C8orf34: variants seen among roughly 807,000 people sequenced by gnomAD.
C8orf34 encodes uncharacterized protein C8orf34.
C8orf34 carries 65 observed loss-of-function variants against 68.3 expected under a neutral mutation model. The observed-to-expected ratio is 0.95, with a 90% confidence interval of 0.78 to 1.17. The LOEUF (loss-of-function observed/expected upper bound fraction) is 1.17, where lower values mean the gene tolerates loss of function less well. C8orf34 is among the 50% of genes most tolerant of loss of function. C8orf34 has a pLI of 0.00. For synonymous variants in C8orf34, 244 were observed against 241.2 expected (o/e 1.01, Z -0.11); for missense variants, 664 against 655.4 (o/e 1.01, Z -0.14).
chr8:68,636,359 A>T (rs1384282914), intron 7 of C8orf34, among the ~76,000 whole-genome samples: 1 of 151,938 alleles, frequency 6.6e-6, no homozygotes, highest in African/African-American at 2.4e-5. Context: ...GCAGATCACA[A>T]GGTCAGGAGA....
intron 9 of C8orf34, among the ~76,000 whole-genome samples, chr8:68,709,962 A>G (rs1295782528): frequency 6.6e-6 from 1 of 152,194 alleles, no homozygotes; most frequent in Non-Finnish European, 1.5e-5. Flanking sequence ...ATAGGAAAGT[A>G]TTTTTCTTAC....
intron 8 of C8orf34, among the ~76,000 whole-genome samples, chr8:68,642,543 T>G (rs1218024256): frequency 1.3e-5 from 2 of 152,196 alleles, no homozygotes; most frequent in African/African-American, 4.8e-5. Flanking sequence ...ACCAAGGACT[T>G]TACTACTTAC....
At chr8:68,699,105 A>G (rs970499828) in intron 8 of C8orf34, among the ~76,000 whole-genome samples, 1 of 151,968 alleles carries the variant, frequency 6.6e-6, no homozygotes, top group African/African-American at 2.4e-5. Flanking sequence ...TGAATCAGAA[A>G]GTCTATGATG....
chr8:68,578,479 G>A (rs1816969944), intron 7 of C8orf34, among the ~76,000 whole-genome samples: 1 of 152,062 alleles, frequency 6.6e-6, no homozygotes, highest in East Asian at 1.9e-4. Flanking sequence ...TACCATTGAT[G>A]GGGTTGCCTT....
intron 8 of C8orf34, among the ~76,000 whole-genome samples, chr8:68,690,071 G>T (rs772386767): frequency 1.3e-5 from 2 of 152,024 alleles, no homozygotes; most frequent in Middle Eastern, 3.2e-3. Context: ...TGGAATAAAG[G>T]ACTGATATGG....
intron 7 of C8orf34, among the ~76,000 whole-genome samples, chr8:68,542,405 C>T (rs771217905): frequency 1.8e-4 from 28 of 152,000 alleles, no homozygotes; most frequent in Non-Finnish European, 4.4e-5. Context: ...CTTTTTTTCT[C>T]CCAGGTTACA....
In C8orf34 at chr8:68,399,358, T is replaced by C. The variant is rs150210174; in HGVS notation, c.328-40141T>C. Among the ~76,000 whole-genome samples the C allele has an allele frequency of 2.2e-4, 33 of 152,214 alleles. No individual in the cohort carries two copies. In the East Asian group the frequency reaches 6.4e-3, roughly 29 times the overall value. ...CTCCGTTGTCTATCATTCCACACTT[T>C]ATGTCCATGTGTACAGATTATTTAA... On this transcript the variant is annotated intron_variant, in intron 1 of 13. Coordinates refer to ENST00000518698, the MANE Select transcript of C8orf34 (RefSeq NM_052958.4).
intron 11 of C8orf34, among the ~76,000 whole-genome samples, chr8:68,783,067 C>CAAAAAAAA (rs750669752): frequency 7.8e-6 from 1 of 128,918 alleles, no homozygotes; most frequent in Non-Finnish European, 1.7e-5. Context: ...GAACATGTCT[C>CAAAAAAAA]AAAAAAAAAA....
chr8:68,379,292 C>T (rs1458042372), intron 1 of C8orf34, among the ~76,000 whole-genome samples: 6 of 152,148 alleles, frequency 3.9e-5, no homozygotes, highest in Non-Finnish European at 8.8e-5. Context: ...AGTGTTACTT[C>T]GGTTGTTAAT....
intron 8 of C8orf34, among the ~76,000 whole-genome samples, chr8:68,647,770 T>C (rs1029275806): frequency 6.6e-6 from 1 of 152,176 alleles, no homozygotes; most frequent in Admixed American, 6.5e-5. Context: ...TTCATAAATA[T>C]ATCACATGAC....
chr8:68,335,895 T>C (rs1805827457), intron 1 of C8orf34, among the ~76,000 whole-genome samples: 1 of 152,062 alleles, frequency 6.6e-6, no homozygotes. Flanking sequence ...AAGACCAGCC[T>C]GGCCAACACA....
intron 3 of C8orf34, among the ~76,000 whole-genome samples, chr8:68,457,747 A>G (rs1444712044): frequency 1.3e-5 from 2 of 152,164 alleles, no homozygotes; most frequent in Non-Finnish European, 2.9e-5. Flanking sequence ...CACTAGAGTG[A>G]GCTCTGCGTC....
intron 6 of C8orf34, among the ~76,000 whole-genome samples, chr8:68,530,208 A>G (rs570617812): frequency 6.6e-6 from 1 of 152,094 alleles, no homozygotes; most frequent in Non-Finnish European, 1.5e-5. Flanking sequence ...ACCCTTTTTA[A>G]TAGTCCAACC....
intron 7 of C8orf34, chr8:68,534,370 C>A (rs1016151821): frequency 3.1e-6 from 3 of 967,598 alleles, no homozygotes; most frequent in Non-Finnish European, 3.7e-6. Flanking sequence ...ATTTACTGAG[C>A]ACTTACTCTA....
chr8:68,423,293 T>A (rs1003775094), intron 1 of C8orf34, among the ~76,000 whole-genome samples: 2 of 152,174 alleles, frequency 1.3e-5, no homozygotes, highest in African/African-American at 4.8e-5. Context: ...CCAGATACCC[T>A]AAATCATCTC....
At chr8:68,584,633 G>C (rs1183118769) in intron 7 of C8orf34, among the ~76,000 whole-genome samples, 1 of 152,090 alleles carries the variant, frequency 6.6e-6, no homozygotes, top group Non-Finnish European at 1.5e-5. Flanking sequence ...GGGAAAACCC[G>C]GCAGGTGGAG....
chr8:68,798,740 A>C (rs529586950), intron 12 of C8orf34, among the ~76,000 whole-genome samples: 1 of 152,182 alleles, frequency 6.6e-6, no homozygotes. Flanking sequence ...ATGCCTCTGA[A>C]TCATTTGTGT....
chr8:68,435,309 T>C (rs1810618640), intron 1 of C8orf34, among the ~76,000 whole-genome samples: 1 of 152,042 alleles, frequency 6.6e-6, no homozygotes, highest in South Asian at 2.1e-4. Context: ...TGGAAACCAC[T>C]CTATGTAGCT....
chr8:68,470,014 G>A (rs1812316569), intron 4 of C8orf34, among the ~76,000 whole-genome samples: 1 of 151,318 alleles, frequency 6.6e-6, no homozygotes, highest in African/African-American at 2.4e-5. Context: ...CTATATTTTT[G>A]TGCAGTGAAC....
Sources: gnomAD v4.1 joint callset for allele counts (sites outside exome capture counted in the v4.1 genomes callset) on GRCh38, gnomAD v4.1.1 for gene constraint, MANE v1.5 for transcripts, NCBI Gene and HGNC (gene_info 2026-07-23, HGNC 2026-07-21) for gene names.